The following DESI1 variants were observed in gnomAD, a reference collection of about 807,000 sequenced individuals.
The protein encoded by DESI1 is PPPDE peptidase domain containing 2.
A neutral mutation model predicts 22.4 loss-of-function variants in DESI1; 17 were observed. That is an observed-to-expected ratio of 0.76 (90% confidence interval 0.52 to 1.14). The LOEUF (loss-of-function observed/expected upper bound fraction) is 1.14. DESI1 is among the 50% of genes most tolerant of loss of function. The pLI is 0.00. For synonymous variants in DESI1, 92 were observed against 84.2 expected, an observed-to-expected ratio of 1.09 and a Z score of -0.51; for missense variants, 177 against 208.9, an observed-to-expected ratio of 0.85 and a Z score of 0.94.
intron 4 of DESI1, 29 bp from the exon 5 acceptor site, chr22:41,603,410 T>C: frequency 1.2e-6 from 2 of 1,613,958 alleles, no homozygotes; most frequent in Non-Finnish European, 8.5e-7. Context: ...GCAGAACATA[T>C]ATGAGAAACC....
At chr22:41,620,647 C>A in intron 1 of DESI1, 105 bp downstream of exon 1, 2 of 1,137,924 alleles carry the variant, frequency 1.8e-6, no homozygotes, top group Admixed American at 2.5e-5. Context: ...TCCTCCTGGC[C>A]ATGTGTCTCC....
rs1222386029 is a variant in DESI1, at chr22:41,600,859, GCA to G, written c.*236_*237del. On this transcript the variant is annotated 3_prime_UTR_variant, in exon 6 of 6. Transcript: ENST00000263256. ...TTAGGAAACAGCATCCGAAGTGAAC[GCA>G]CAGACAAGACAGCCTTAATAAATTA... 1 of 463,190 alleles carries G rather than the reference GCA, an allele frequency of 2.2e-6. No individual in the cohort carries two copies. The highest frequency in any genetic ancestry group is 3.9e-6 in the Non-Finnish European group (1 of 255,698). 28.7% of individuals were successfully genotyped at this position (463,190 alleles called of 1,614,324 possible).
At chr22:41,603,983 A>C (rs988489010) in intron 4 of DESI1, 61 bp downstream of exon 4, 2 of 1,473,970 alleles carry the variant, frequency 1.4e-6, no homozygotes, top group Admixed American at 1.8e-5. Flanking sequence ...AGCTGCCTCC[A>C]GGGGTTATTA....
Position 41,600,300 on chromosome 22 carries a change from ATC to A in DESI1, c.*795_*796del, listed in dbSNP as rs1174516238. 2.0e-5 allele frequency: 3 copies of A among 152,296 alleles called. No homozygotes were observed. Among genetic ancestry groups the A allele is most frequent in the African/African-American group, 7.2e-5 (3 of 41,470 alleles). 9.4% of individuals were successfully genotyped at this position (152,296 alleles called of 1,614,324 possible). The stretch of plus-strand genomic sequence containing the variant: ...GTTACAGAGACTGCAAATAACCTAC[ATC>A]ATTACTTGCAGAAAAAAGGCCTTGG... On this transcript the variant is annotated 3_prime_UTR_variant, in exon 6 of 6. Coordinates refer to ENST00000263256, the MANE Select transcript of DESI1 (RefSeq NM_015704.3).
chr22:41,617,067 T>C (rs1446476039), intron 1 of DESI1, among the ~76,000 whole-genome samples: 5 of 152,196 alleles, frequency 3.3e-5, no homozygotes, highest in African/African-American at 9.7e-5. Context: ...GCTTTTTTTC[T>C]CATCCAAACT....
At chr22:41,614,510 CG>C (rs2067537838) in intron 1 of DESI1, among the ~76,000 whole-genome samples, 1 of 151,430 alleles carries the variant, frequency 6.6e-6, no homozygotes, top group Non-Finnish European at 1.5e-5. Context: ...CCTCCGTCTC[CG>C]GGGTTCAAGT....
chr22:41,620,881 C>G lies in DESI1; in HGVS notation c.-42G>C, dbSNP rs775234959. 1.3e-6 allele frequency: 2 copies of G among 1,580,292 alleles called. No homozygotes were observed. The highest frequency in any genetic ancestry group is 3.7e-5 in the Admixed American group (2 of 54,636). On this transcript the variant is annotated 5_prime_UTR_variant, in exon 1 of 6. Transcript: ENST00000263256. ...GGCGGCCACGACGGCCCTCGGGCACCCGGCAGCGGCTTGGACCTTCCCGTA... is the reference window on the plus strand; with the variant it reads ...GGCGGCCACGACGGCCCTCGGGCACGCGGCAGCGGCTTGGACCTTCCCGTA...
chr22:41,607,955 C>A lies in DESI1; in HGVS notation c.89-94G>T, dbSNP rs904221738. On this transcript the variant is annotated intron_variant, in intron 1 of 5. Transcript: ENST00000263256. The stretch of plus-strand genomic sequence containing the variant: ...ATGACATCACTCAAACCCAGGGTAA[C>A]CTGTCATAAACCTCTTGAGGGACTT... 5 of 1,440,062 alleles carry A rather than the reference C, an allele frequency of 3.5e-6. No individual in the cohort carries two copies. In the African/African-American group the frequency reaches 5.6e-5, roughly 16 times the overall value. 89.2% of individuals were successfully genotyped at this position (1,440,062 alleles called of 1,614,324 possible).
In DESI1 at chr22:41,603,248, G is replaced by A. The variant is rs762257791; in HGVS notation, c.413+11C>T. 1.2e-6 allele frequency: 2 copies of A among 1,614,028 alleles called. No homozygotes were observed. The highest frequency in any genetic ancestry group is 2.7e-5 in the African/African-American group (2 of 74,946). On this transcript the variant is annotated intron_variant, in intron 5 of 5. Transcript: ENST00000263256. ...GGCCAAGGCAGGGGCAGGGACAGAG[G>A]CCACACTTACGTGGAGAGAACTTCA...
Position 41,598,470 on chromosome 22 carries a change from T to C in DESI1, c.*2627A>G, listed in dbSNP as rs1269930492. The stretch of plus-strand genomic sequence containing the variant: ...AACTGCTCAGTGATCCCTCGCTCTC[T>C]CCCCACAAACCCTAGGGCACAGGCA... On this transcript the variant is annotated 3_prime_UTR_variant, in exon 6 of 6. Transcript: ENST00000263256. 1.3e-5 allele frequency: 2 copies of C among 152,138 alleles called. No individual in the cohort carries two copies. The highest frequency in any genetic ancestry group is 1.5e-5 in the Non-Finnish European group (1 of 68,056). The allele number at this position is 152,138 out of a possible 1,614,324, so 9.4% of individuals were successfully genotyped here. A position where few individuals can be genotyped will look rare whatever the true frequency, so the allele number is the denominator to read the frequency against.
intron 3 of DESI1, among the ~76,000 whole-genome samples, chr22:41,606,985 C>A (rs2067486785): frequency 6.6e-6 from 1 of 151,996 alleles, no homozygotes; most frequent in East Asian, 1.9e-4. Flanking sequence ...GATGGAAGGT[C>A]TCAGCTCGCA....
intron 1 of DESI1, among the ~76,000 whole-genome samples, chr22:41,611,468 CT>C (rs1221282084): frequency 6.6e-6 from 1 of 152,082 alleles, no homozygotes; most frequent in Admixed American, 6.6e-5. Flanking sequence ...ATGTGCCCTT[CT>C]GAACTGTCAT....
intron 4 of DESI1, 50 bp from the exon 5 acceptor site, chr22:41,603,431 T>TA (rs1491470272): frequency 6.2e-7 from 1 of 1,612,162 alleles, no homozygotes; most frequent in African/African-American, 1.3e-5. Flanking sequence ...AGCAAGCGTC[T>TA]ATGTGGAATA....
chr22:41,604,253 T>C, intron 3 of DESI1, 100 bp from the exon 4 acceptor site: 1 of 421,816 alleles, frequency 2.4e-6, no homozygotes, highest in Admixed American at 6.9e-5. Context: ...GTTCTGACTT[T>C]TTTTTTTTTT....
chr22:41,607,730 T>C (rs2067491492), intron 2 of DESI1, 110 bp downstream of exon 2: 3 of 1,260,546 alleles, frequency 2.4e-6, no homozygotes, highest in Non-Finnish European at 3.5e-6. Context: ...TGAAGATTTA[T>C]AGCATGGAGA....
chr22:41,621,040 A>G lies in DESI1; in HGVS notation c.-201T>C, dbSNP rs1265571495. 2.0e-5 allele frequency: 12 copies of G among 591,428 alleles called. No homozygotes were observed. In the African/African-American group the frequency reaches 2.2e-4, roughly 11 times the overall value. 36.6% of individuals were successfully genotyped at this position (591,428 alleles called of 1,614,324 possible). On this transcript the variant is annotated 5_prime_UTR_variant, in exon 1 of 6. Transcript: ENST00000263256. ...GGCAACGACTACTGTGAGGTGACAG[A>G]GAGGGGACAGGGAGGGCCCACACGG...
At chr22:41,606,393 AAAAC>A (rs1410552227) in intron 3 of DESI1, among the ~76,000 whole-genome samples, 1 of 152,088 alleles carries the variant, frequency 6.6e-6, no homozygotes, top group Admixed American at 6.6e-5. Flanking sequence ...GGATGTAGCA[AAAAC>A]AAACAAACAC....
At chr22:41,614,068 G>A (rs1239720515) in intron 1 of DESI1, among the ~76,000 whole-genome samples, 2 of 151,160 alleles carry the variant, frequency 1.3e-5, no homozygotes, top group Non-Finnish European at 2.9e-5. Context: ...ACGGAGTCTC[G>A]CTCTGTTGTC....
intron 1 of DESI1, among the ~76,000 whole-genome samples, chr22:41,608,618 G>A (rs1251865513): frequency 2.0e-5 from 3 of 152,192 alleles, no homozygotes; most frequent in Non-Finnish European, 4.4e-5. Context: ...GTGCCAAGGG[G>A]AGGAGCGGCC....
Sources: allele counts gnomAD v4.1 joint callset (sites outside exome capture counted in the v4.1 genomes callset), GRCh38; gene constraint gnomAD v4.1.1; transcripts MANE v1.5; gene names NCBI Gene and HGNC (gene_info 2026-07-23, HGNC 2026-07-21).